CA10: variants seen among roughly 807,000 people sequenced by gnomAD.
The protein encoded by CA10 is carbonic anhydrase-related protein 10.
Under a neutral mutation model 44.2 loss-of-function variants are expected in CA10, and 14 were observed. The observed-to-expected ratio is 0.32, with a 90% confidence interval of 0.21 to 0.50. The LOEUF is 0.50. Among genes scored for constraint, CA10 ranks in the 20% least tolerant of loss-of-function variants. The probability of loss-of-function intolerance (pLI) is 0.99; values close to 1 mark genes in which losing one functional copy is unlikely to be tolerated. For synonymous variants in CA10, 159 were observed against 141.6 expected, an observed-to-expected ratio of 1.12 and a Z score of -0.87; for missense variants, 350 against 409.7, an observed-to-expected ratio of 0.85 and a Z score of 1.26.
intron 3 of CA10, among the ~76,000 whole-genome samples, chr17:51,758,116 CG>C (rs1567829793): frequency 2.0e-5 from 3 of 152,070 alleles, no homozygotes; most frequent in African/African-American, 4.8e-5. Flanking sequence ...GCTAAGTTTA[CG>C]CTGATCTTTC....
At chr17:51,899,145 T>C (rs1042757281) in intron 3 of CA10, among the ~76,000 whole-genome samples, 4 of 152,106 alleles carry the variant, frequency 2.6e-5, no homozygotes, top group African/African-American at 9.7e-5. Context: ...GGTTGTTAAT[T>C]TGAGACCTTT....
intron 2 of CA10, among the ~76,000 whole-genome samples, chr17:52,004,218 C>T (rs1229022852): frequency 2.0e-5 from 3 of 151,876 alleles, no homozygotes; most frequent in African/African-American, 7.2e-5. Context: ...GAATAAATCC[C>T]CATAAGTAAT....
chr17:51,931,183 A>G (rs1982644558), intron 2 of CA10, 51 bp from the exon 3 acceptor site: 1 of 1,577,484 alleles, frequency 6.3e-7, no homozygotes, highest in Admixed American at 1.7e-5. Context: ...GGTTGGGGAA[A>G]CAACATAAAT....
At chr17:51,730,276 A>G (rs762898954) in intron 4 of CA10, among the ~76,000 whole-genome samples, 1 of 152,256 alleles carries the variant, frequency 6.6e-6, no homozygotes, top group Non-Finnish European at 1.5e-5. Flanking sequence ...AGGAATTAAT[A>G]TTATTCATTA....
At chr17:51,901,461 T>C (rs1981313316) in intron 3 of CA10, among the ~76,000 whole-genome samples, 1 of 152,090 alleles carries the variant, frequency 6.6e-6, no homozygotes, top group Non-Finnish European at 1.5e-5. Context: ...GTTGGGGCAG[T>C]GGCCATGGGA....
At chr17:52,074,838 T>C (rs1191764177) in intron 1 of CA10, among the ~76,000 whole-genome samples, 1 of 152,132 alleles carries the variant, frequency 6.6e-6, no homozygotes, top group African/African-American at 2.4e-5. Context: ...GTTTCTGTAC[T>C]GCACAAGAGC....
At chr17:51,792,883 C>T (rs765351057) in intron 3 of CA10, among the ~76,000 whole-genome samples, 39 of 152,222 alleles carry the variant, frequency 2.6e-4, no homozygotes, top group African/African-American at 6.3e-4. Context: ...AAAGACTATA[C>T]GGTATATATT....
At chr17:52,123,526 G>A (rs1989057774) in intron 1 of CA10, among the ~76,000 whole-genome samples, 1 of 152,158 alleles carries the variant, frequency 6.6e-6, no homozygotes, top group Non-Finnish European at 1.5e-5. Context: ...GCAAACAACT[G>A]AAAGAGATCT....
intron 2 of CA10, among the ~76,000 whole-genome samples, chr17:52,035,128 T>C (rs1986578446): frequency 6.6e-6 from 1 of 152,146 alleles, no homozygotes; most frequent in Non-Finnish European, 1.5e-5. Flanking sequence ...TGAGAAATTC[T>C]ATCGCTGTTT....
chr17:51,730,904 T>TTA (rs796141030), intron 4 of CA10, among the ~76,000 whole-genome samples: 2 of 147,852 alleles, frequency 1.4e-5, no homozygotes, highest in African/African-American at 5.0e-5. Flanking sequence ...AACACAGGGA[T>TTA]AAAAAAAAAA....
intron 3 of CA10, among the ~76,000 whole-genome samples, chr17:51,863,202 C>T (rs576992262): frequency 1.3e-5 from 2 of 152,224 alleles, no homozygotes; most frequent in South Asian, 4.1e-4. Context: ...AATGTAGCCA[C>T]TACTACTGTT....
chr17:51,679,440 T>C (rs1914755807), intron 4 of CA10, among the ~76,000 whole-genome samples: 1 of 151,794 alleles, frequency 6.6e-6, no homozygotes, highest in East Asian at 2.0e-4. Context: ...CTTTTTTATT[T>C]TTAGTAGAGA....
chr17:51,996,396 T>C (rs1985236856), intron 2 of CA10, among the ~76,000 whole-genome samples: 1 of 152,034 alleles, frequency 6.6e-6, no homozygotes, highest in Non-Finnish European at 1.5e-5. Flanking sequence ...TACAATCACC[T>C]CTTTGCCACT....
chr17:51,984,711 C>A (rs1984769637), intron 2 of CA10, among the ~76,000 whole-genome samples: 1 of 151,816 alleles, frequency 6.6e-6, no homozygotes, highest in Non-Finnish European at 1.5e-5. Flanking sequence ...TACAAAAGAT[C>A]ATTCAAGGCT....
At chr17:51,732,954 G>C (rs1916772362) in intron 4 of CA10, among the ~76,000 whole-genome samples, 1 of 152,160 alleles carries the variant, frequency 6.6e-6, no homozygotes, top group Non-Finnish European at 1.5e-5. Flanking sequence ...CCTTGTTTCA[G>C]TTTTGGCTTC....
intron 2 of CA10, among the ~76,000 whole-genome samples, chr17:52,043,767 G>T (rs765076292): frequency 6.6e-6 from 1 of 151,910 alleles, no homozygotes; most frequent in African/African-American, 2.4e-5. Flanking sequence ...TATTATGAAA[G>T]GATGTTGATT....
At position 51,797,465 on chromosome 17, in the gene CA10, T is replaced by A. The variant is rs1436910339; in HGVS notation, c.280-49647A>T. Among the ~76,000 whole-genome samples the A allele has an allele frequency of 2.0e-5, 3 of 152,044 alleles. No individual in the cohort carries two copies. In the East Asian group the frequency reaches 5.8e-4, roughly 29 times the overall value. ...TAAACTTGACTATGCCTACTGACCATCTTGGGGGCATTTAGAAATCACAGA... is the reference window on the plus strand; with the variant it reads ...TAAACTTGACTATGCCTACTGACCAACTTGGGGGCATTTAGAAATCACAGA... On this transcript the variant is annotated intron_variant, in intron 3 of 8. Transcript: ENST00000451037.
At chr17:51,780,758 G>A (rs879792589) in intron 3 of CA10, among the ~76,000 whole-genome samples, 10 of 152,166 alleles carry the variant, frequency 6.6e-5, no homozygotes, top group Admixed American at 2.0e-4. Context: ...ATTATGTCCT[G>A]GTGAAAGAAA....
intron 6 of CA10, among the ~76,000 whole-genome samples, chr17:51,647,414 CCCTCCCTCCCTTTCTTCCTTT>C (rs1402252877): frequency 1.3e-5 from 2 of 152,126 alleles, no homozygotes; most frequent in Non-Finnish European, 2.9e-5. Context: ...GCTTTTCCTT[CCCTCCCTCCCTTTCTTCCTTT>C]CCTCCCTTCC....
Sources: allele counts gnomAD v4.1 joint callset (sites outside exome capture counted in the v4.1 genomes callset), GRCh38; gene constraint gnomAD v4.1.1; transcripts MANE v1.5; gene names NCBI Gene and HGNC (gene_info 2026-07-23, HGNC 2026-07-21).